NRXN3: variants seen among roughly 807,000 people sequenced by gnomAD.
The protein encoded by NRXN3 is neurexin III.
A neutral mutation model predicts 137.6 loss-of-function variants in NRXN3; 32 were observed. The ratio of observed to expected loss-of-function variants is 0.23; its 90% confidence interval spans 0.18 to 0.31. The LOEUF (loss-of-function observed/expected upper bound fraction) is 0.31. Among genes scored for constraint, NRXN3 ranks in the 10% least tolerant of loss-of-function variants. NRXN3 has a pLI of 1.00. For synonymous variants in NRXN3, 798 were observed against 784.5 expected, an observed-to-expected ratio of 1.02 and a Z score of -0.29; for missense variants, 1,574 against 2,062.5, an observed-to-expected ratio of 0.76 and a Z score of 4.59.
intron 15 of NRXN3, among the ~76,000 whole-genome samples, chr14:79,146,554 A>G (rs2059318886): frequency 6.6e-6 from 1 of 152,114 alleles, no homozygotes; most frequent in Non-Finnish European, 1.5e-5. Context: ...AGTGGACTTG[A>G]AAAAAAGAGT....
intron 4 of NRXN3, among the ~76,000 whole-genome samples, chr14:78,589,352 T>A (rs1190563140): frequency 6.6e-6 from 1 of 152,180 alleles, no homozygotes. Flanking sequence ...TAACAGCTAC[T>A]GTTCCTGAAG....
chr14:79,420,833 AT>A (rs2095565831), intron 15 of NRXN3, among the ~76,000 whole-genome samples: 1 of 152,152 alleles, frequency 6.6e-6, no homozygotes, highest in Non-Finnish European at 1.5e-5. Context: ...GAAGAAATAC[AT>A]TTGAATCTGG....
At chr14:79,174,258 A>G (rs998710013) in intron 15 of NRXN3, among the ~76,000 whole-genome samples, 5 of 152,200 alleles carry the variant, frequency 3.3e-5, no homozygotes, top group African/African-American at 1.2e-4. Flanking sequence ...ATAAATATGA[A>G]TAAACAATTC....
chr14:79,455,310 C>A (rs1326989027), intron 15 of NRXN3, among the ~76,000 whole-genome samples: 1 of 152,128 alleles, frequency 6.6e-6, no homozygotes, highest in African/African-American at 2.4e-5. Context: ...AAAGACCTTA[C>A]CCTATAATAG....
At chr14:78,964,924 C>T (rs1302314373) in intron 11 of NRXN3, among the ~76,000 whole-genome samples, 2 of 152,082 alleles carry the variant, frequency 1.3e-5, no homozygotes, top group East Asian at 3.9e-4. Context: ...AGAAACCCAA[C>T]TCAAACGCTT....
At chr14:78,564,033 T>G (rs987691198) in intron 4 of NRXN3, among the ~76,000 whole-genome samples, 14 of 152,246 alleles carry the variant, frequency 9.2e-5, no homozygotes, top group Admixed American at 9.2e-4. Context: ...GTAGCACATT[T>G]CAATTAGGTA....
At chr14:78,686,649 C>T (rs1011803486) in intron 6 of NRXN3, among the ~76,000 whole-genome samples, 5 of 152,158 alleles carry the variant, frequency 3.3e-5, no homozygotes, top group African/African-American at 4.8e-5. Flanking sequence ...TATATATTAC[C>T]AGTGTATGTG....
chr14:79,628,466 T>A (rs946945222), intron 16 of NRXN3, among the ~76,000 whole-genome samples: 1 of 152,234 alleles, frequency 6.6e-6, no homozygotes, highest in Non-Finnish European at 1.5e-5. Flanking sequence ...TGAAGACTCT[T>A]CTGATTGGAT....
At chr14:78,571,122 G>A (rs2096885522) in intron 4 of NRXN3, among the ~76,000 whole-genome samples, 1 of 152,170 alleles carries the variant, frequency 6.6e-6, no homozygotes, top group African/African-American at 2.4e-5. Flanking sequence ...TGGTTCTCAG[G>A]TTCACTCATC....
At chr14:79,431,784 ACT>A (rs553790814) in intron 15 of NRXN3, among the ~76,000 whole-genome samples, 418 of 152,152 alleles carry the variant, frequency 2.7e-3, no homozygotes, top group African/African-American at 9.3e-3. Flanking sequence ...AGAAAAAAAA[ACT>A]CTACGCAGTA....
chr14:78,866,963 A>G (rs2099088596), intron 10 of NRXN3, among the ~76,000 whole-genome samples: 1 of 151,678 alleles, frequency 6.6e-6, no homozygotes, highest in Admixed American at 6.6e-5. Context: ...ATGCCCGGCT[A>G]ATTTTTTGTA....
At chr14:78,217,553 G>A (rs2063417273) in intron 1 of NRXN3, among the ~76,000 whole-genome samples, 1 of 152,100 alleles carries the variant, frequency 6.6e-6, no homozygotes, top group Non-Finnish European at 1.5e-5. Context: ...ATATTGACCT[G>A]CATCCTTCTA....
At chr14:78,300,468 C>T (rs1337791843) in intron 4 of NRXN3, among the ~76,000 whole-genome samples, 3 of 152,226 alleles carry the variant, frequency 2.0e-5, no homozygotes, top group Non-Finnish European at 4.4e-5. Context: ...TTTAAGCTTC[C>T]ACATTGTATG....
chr14:78,192,996 A>G (rs769241636), intron 1 of NRXN3, among the ~76,000 whole-genome samples: 26 of 152,228 alleles, frequency 1.7e-4, no homozygotes, highest in Non-Finnish European at 3.1e-4. Flanking sequence ...GAGAAAGTTT[A>G]GAAAGCCTGT....
chr14:78,177,179 C>A (rs1050524777), intron 1 of NRXN3, among the ~76,000 whole-genome samples: 4 of 152,162 alleles, frequency 2.6e-5, no homozygotes, highest in Admixed American at 2.0e-4. Flanking sequence ...ACTGGCCTAG[C>A]CTTCTTTCTC....
At chr14:78,608,701 C>T (rs2097273470) in intron 4 of NRXN3, among the ~76,000 whole-genome samples, 1 of 152,134 alleles carries the variant, frequency 6.6e-6, no homozygotes, top group Admixed American at 6.6e-5. Flanking sequence ...TGACAATGCA[C>T]AATGTTCCAG....
intron 19 of NRXN3, among the ~76,000 whole-genome samples, chr14:79,705,831 T>G (rs962946427): frequency 6.6e-5 from 10 of 152,202 alleles, no homozygotes; most frequent in African/African-American, 2.2e-4. Context: ...CTGCCTGACA[T>G]TATAGCTCAC....
intron 16 of NRXN3, chr14:79,633,385 T>C (rs1207154062): frequency 6.6e-6 from 1 of 152,182 alleles, no homozygotes; most frequent in Non-Finnish European, 1.5e-5. Flanking sequence ...TGGACCTCTA[T>C]GGCACCTGTC....
At chr14:79,116,840 A>G (rs1026864236) in intron 15 of NRXN3, among the ~76,000 whole-genome samples, 1 of 152,180 alleles carries the variant, frequency 6.6e-6, no homozygotes, top group African/African-American at 2.4e-5. Flanking sequence ...GTCGTTAGAT[A>G]ATGGTTAATA....
Sources: allele counts gnomAD v4.1 joint callset (sites outside exome capture counted in the v4.1 genomes callset), GRCh38; gene constraint gnomAD v4.1.1; transcripts MANE v1.5; gene names NCBI Gene and HGNC (gene_info 2026-07-23, HGNC 2026-07-21).